The following TOP6BL variants were observed in gnomAD, a reference collection of about 807,000 sequenced individuals.
TOP6BL encodes the protein type 2 DNA topoisomerase 6 subunit B-like.
the TOP6BL span, among the ~76,000 whole-genome samples, chr11:66,782,858 T>C: frequency 6.6e-6 from 1 of 152,220 alleles, no homozygotes; most frequent in Non-Finnish European, 1.5e-5. Flanking sequence ...TCTTTAACAG[T>C]TGAAGACCTA....
chr11:66,804,302 T>C, the TOP6BL span: 3 of 971,310 alleles, frequency 3.1e-6, no homozygotes, highest in Non-Finnish European at 4.4e-6. Context: ...ATATATGATT[T>C]GTATAAAAAC....
the TOP6BL span, among the ~76,000 whole-genome samples, chr11:66,752,442 C>T: frequency 6.6e-6 from 1 of 151,940 alleles, no homozygotes; most frequent in African/African-American, 2.4e-5. Context: ...TTCTTCCCCT[C>T]TGTGTAAGCT....
the TOP6BL span, among the ~76,000 whole-genome samples, chr11:66,780,949 G>A: frequency 6.6e-6 from 1 of 152,140 alleles, no homozygotes; most frequent in Non-Finnish European, 1.5e-5. Flanking sequence ...TATATGATGT[G>A]TGCTTTTCCT....
At chr11:66,803,974 G>T in the TOP6BL span, 1 of 1,564,498 alleles carries the variant, frequency 6.4e-7, no homozygotes, top group South Asian at 1.2e-5. Flanking sequence ...TGTTAAATTT[G>T]ACTTGTCTGT....
chr11:66,834,621 G>T, the TOP6BL span, among the ~76,000 whole-genome samples: 7 of 152,292 alleles, frequency 4.6e-5, no homozygotes, highest in African/African-American at 1.4e-4. Context: ...TGTGTATTCA[G>T]AGTGAACATA....
chr11:66,746,130 A>T, the TOP6BL span, among the ~76,000 whole-genome samples: 1 of 152,158 alleles, frequency 6.6e-6, no homozygotes, highest in African/African-American at 2.4e-5. Context: ...ATCGTAACAG[A>T]GGACGTGTGA....
the TOP6BL span, among the ~76,000 whole-genome samples, chr11:66,765,928 G>A: frequency 4.6e-5 from 7 of 152,146 alleles, no homozygotes; most frequent in African/African-American, 1.7e-4. Context: ...CATTAATTAT[G>A]CCTTTTTTAC....
chr11:66,802,977 T>A, the TOP6BL span, among the ~76,000 whole-genome samples: 1 of 152,242 alleles, frequency 6.6e-6, no homozygotes, highest in Non-Finnish European at 1.5e-5. Context: ...TCATTCATTC[T>A]TAATCAGCTT....
the TOP6BL span, among the ~76,000 whole-genome samples, chr11:66,817,785 G>A: frequency 6.6e-5 from 10 of 152,030 alleles, no homozygotes; most frequent in African/African-American, 1.7e-4. Flanking sequence ...GGGCTCAAGT[G>A]ATCCTCCCAC....
the TOP6BL span, among the ~76,000 whole-genome samples, chr11:66,835,978 CCA>C: frequency 1.3e-3 from 193 of 152,286 alleles, 1 homozygote; most frequent in Non-Finnish European, 1.5e-3. Context: ...GAGCTGATTT[CCA>C]CAGTCTGCAT....
chr11:66,836,377 T>G, the TOP6BL span, among the ~76,000 whole-genome samples: 2 of 151,714 alleles, frequency 1.3e-5, no homozygotes, highest in East Asian at 3.9e-4. Flanking sequence ...GCCCGGCTAA[T>G]TTTTTGTATT....
the TOP6BL span, chr11:66,843,163 C>T: frequency 3.1e-6 from 5 of 1,611,140 alleles, no homozygotes; most frequent in African/African-American, 1.3e-5. Context: ...CCCCTTGTTC[C>T]CGCAGGACGT....
At chr11:66,805,156 C>T in the TOP6BL span, among the ~76,000 whole-genome samples, 1,661 of 152,190 alleles carry the variant, frequency 0.011, 22 homozygotes, top group Middle Eastern at 0.031. Flanking sequence ...ATCACTTGAA[C>T]CTGGGAGGTG....
At chr11:66,777,095 CTATATCTA>C in the TOP6BL span, among the ~76,000 whole-genome samples, 5 of 145,996 alleles carry the variant, frequency 3.4e-5, no homozygotes, top group Admixed American at 2.0e-4. Context: ...ATCTATATAT[CTATATCTA>C]TATATCTATA....
the TOP6BL span, among the ~76,000 whole-genome samples, chr11:66,824,482 C>T: frequency 2.0e-5 from 3 of 149,372 alleles, no homozygotes; most frequent in South Asian, 6.3e-4. Flanking sequence ...TTTTAGGGTA[C>T]ATGTACACAA....
At chr11:66,769,520 A>G in the TOP6BL span, among the ~76,000 whole-genome samples, 6 of 151,848 alleles carry the variant, frequency 4.0e-5, no homozygotes, top group Admixed American at 1.3e-4. Context: ...TAAATAATCC[A>G]CAGATAAGAA....
chr11:66,798,561 T>C, the TOP6BL span, among the ~76,000 whole-genome samples: 198 of 147,008 alleles, frequency 1.3e-3, no homozygotes, highest in Middle Eastern at 3.5e-3. Context: ...GTTTACACCA[T>C]TGCACTCCAG....
chr11:66,749,897 T>G, the TOP6BL span, among the ~76,000 whole-genome samples: 4 of 152,258 alleles, frequency 2.6e-5, no homozygotes, highest in South Asian at 4.1e-4. Flanking sequence ...ATATTTTTTT[T>G]GGGTAGGAAA....
chr11:66,799,955 C>T, the TOP6BL span, among the ~76,000 whole-genome samples: 1 of 151,830 alleles, frequency 6.6e-6, no homozygotes, highest in Non-Finnish European at 1.5e-5. Context: ...GTGGCACATG[C>T]CTGTGGTCCC....
Sources: allele counts gnomAD v4.1 joint callset (sites outside exome capture counted in the v4.1 genomes callset), GRCh38; gene constraint gnomAD v4.1.1; transcripts MANE v1.5; gene names NCBI Gene and HGNC (gene_info 2026-07-23, HGNC 2026-07-21).